FASTKD1: variants seen among roughly 807,000 people sequenced by gnomAD.
FASTKD1 encodes FAST kinase domains 1, also known as FAST kinase domain-containing protein 1, mitochondrial.
A neutral mutation model predicts 90.9 loss-of-function variants in FASTKD1; 94 were observed. The ratio of observed to expected loss-of-function variants is 1.03; its 90% CI spans 0.88 to 1.23. FASTKD1 has a LOEUF of 1.23. Among genes scored for constraint, FASTKD1 ranks in the 50% most tolerant of loss-of-function variants. The pLI, the probability that FASTKD1 is intolerant of heterozygous loss-of-function variation, is 0.00. For missense variants in FASTKD1, 945 were observed against 993.5 expected (o/e 0.95, Z 0.66); for synonymous variants, 319 against 345.8 (o/e 0.92, Z 0.86).
chr2:169,546,795 G>A (rs1685228399), intron 7 of FASTKD1, 91 bp from the exon 8 acceptor site: 1 of 1,252,882 alleles, frequency 8.0e-7, no homozygotes, highest in Non-Finnish European at 1.1e-6. Flanking sequence ...CAATTAATAG[G>A]TAAGATGATG....
At chr2:169,567,446 T>C (rs1684038583) in intron 3 of FASTKD1, among the ~76,000 whole-genome samples, 2 of 152,180 alleles carry the variant, frequency 1.3e-5, no homozygotes, top group African/African-American at 4.8e-5. Flanking sequence ...TTACCCTCAA[T>C]ATACTTATAG....
rs764073378 is a variant in FASTKD1 at position 169,529,819 on chromosome 2, T to A, written c.*6A>T. 2.5e-6 allele frequency: 4 copies of A among 1,589,566 alleles called. No homozygotes were observed. In the East Asian group the frequency reaches 9.0e-5, roughly 36 times the overall value. On this transcript the variant is annotated 3_prime_UTR_variant, in exon 15 of 15. Transcript: ENST00000453153. ...AACACACGATAACATTCATTTTAAA[T>A]AAAAACTACAAACATGACTTGACTT...
chr2:169,561,745 A>T (rs190832459), intron 4 of FASTKD1, among the ~76,000 whole-genome samples: 1 of 144,264 alleles, frequency 6.9e-6, no homozygotes, highest in African/African-American at 2.6e-5. Context: ...TTAATTATTC[A>T]TTATAAATTA....
chr2:169,542,234 T>C (rs1417647511), intron 9 of FASTKD1, among the ~76,000 whole-genome samples: 1 of 152,172 alleles, frequency 6.6e-6, no homozygotes, highest in East Asian at 1.9e-4. Context: ...GTTTTTACTC[T>C]CTCCTGTATC....
rs1683530278 is a variant in FASTKD1 at position 169,560,423 on chromosome 2, GC to G, written c.934del (p.Ala312HisfsTer20). 1 of 1,565,928 alleles carries G rather than the reference GC, an allele frequency of 6.4e-7. No homozygotes were observed. Among genetic ancestry groups the G allele is most frequent in the Admixed American group, 2.1e-5 (1 of 48,032 alleles). The part of the protein sequence containing the change: ...HPASFVKLFV[A>X]LGPIAGPEEK... Reference sequence around the variant, plus strand: ...TTCAGGTCCTGCAATGGGTCCCAATGCTACAAACAATTTTACAAAGCTAGCA... The same window carrying G: ...TTCAGGTCCTGCAATGGGTCCCAATGTACAAACAATTTTACAAAGCTAGCA... On this transcript the variant is annotated frameshift_variant, in exon 5 of 15. Coordinates refer to ENST00000453153, the MANE Select transcript of FASTKD1 (RefSeq NM_024622.6). LOFTEE classifies it high-confidence loss of function.
intron 9 of FASTKD1, among the ~76,000 whole-genome samples, chr2:169,543,099 C>A (rs930190846): frequency 6.6e-6 from 1 of 152,064 alleles, no homozygotes; most frequent in African/African-American, 2.4e-5. Context: ...AATGGCCAAT[C>A]ATTTTATAAA....
At position 169,560,650 on chromosome 2, in the gene FASTKD1, C is replaced by T. The variant is rs1683546564; in HGVS notation, c.708G>A (p.Lys236=). The change falls in exon 5 of 15, where the codon AAG becomes AAA. Residue 236 remains lysine, a synonymous_variant. Transcript: ENST00000453153. ...SEVNVAKSIA[K]FLRNVRYRYQ... ...AACGATATCTAACATTTCGAAGAAA[C>T]TTTGCTATGCTTTTTGCAACGTTGA... 1.9e-6 allele frequency: 3 copies of T among 1,612,970 alleles called. No individual in the cohort carries two copies. Among genetic ancestry groups the T allele is most frequent in the Non-Finnish European group, 2.5e-6 (3 of 1,179,726 alleles).
intron 4 of FASTKD1, among the ~76,000 whole-genome samples, chr2:169,561,978 C>A (rs182582151): frequency 5.5e-5 from 4 of 73,306 alleles, no homozygotes; most frequent in African/African-American, 2.0e-4. Flanking sequence ...ATTAATTATT[C>A]ATTAATTTAT....
At chr2:169,562,132 T>A (rs1035427660) in intron 4 of FASTKD1, among the ~76,000 whole-genome samples, 3 of 131,412 alleles carry the variant, frequency 2.3e-5, no homozygotes, top group Non-Finnish European at 5.0e-5. Flanking sequence ...AAATTAATTA[T>A]TTATTAATTT....
At chr2:169,535,822 CAAGTTA>C (rs1684701345) in intron 12 of FASTKD1, among the ~76,000 whole-genome samples, 1 of 152,214 alleles carries the variant, frequency 6.6e-6, no homozygotes, top group Non-Finnish European at 1.5e-5. Flanking sequence ...CTCATTATAC[CAAGTTA>C]AAGTCTGCTT....
rs943169405 is a variant in FASTKD1 at position 169,544,354 on chromosome 2, G to A, written c.1816+367C>T. On this transcript the variant is annotated intron_variant, in intron 9 of 14. Transcript: ENST00000453153. ...GGAAGCCTTGGCGGGTGGATCACCT[G>A]AGGTCAGGAGTTCCTGACCACCCTG... is the stretch of plus-strand genomic sequence containing the variant. Among the ~76,000 whole-genome samples, 3 of 152,220 alleles carry A rather than the reference G, an allele frequency of 2.0e-5. No homozygotes were observed. In the East Asian group the frequency reaches 5.8e-4, roughly 29 times the overall value.
intron 7 of FASTKD1, among the ~76,000 whole-genome samples, chr2:169,554,861 G>A (rs914448380): frequency 1.3e-5 from 2 of 152,124 alleles, no homozygotes; most frequent in African/African-American, 4.8e-5. Flanking sequence ...TGCAGGAAAG[G>A]AGAATGGCTT....
At chr2:169,540,878 G>T (rs1684930987) in intron 9 of FASTKD1, among the ~76,000 whole-genome samples, 1 of 152,158 alleles carries the variant, frequency 6.6e-6, no homozygotes, top group South Asian at 2.1e-4. Context: ...CCTAGCACCT[G>T]CTCCTTTACT....
At chr2:169,542,604 G>A (rs1221596619) in intron 9 of FASTKD1, among the ~76,000 whole-genome samples, 1 of 152,156 alleles carries the variant, frequency 6.6e-6, no homozygotes, top group Non-Finnish European at 1.5e-5. Context: ...GGTGGCACAC[G>A]CCTGTAATTC....
chr2:169,538,210 A>T (rs983825755), intron 10 of FASTKD1, 69 bp from the exon 11 acceptor site: 12 of 1,342,344 alleles, frequency 8.9e-6, no homozygotes, highest in Admixed American at 2.2e-5. Flanking sequence ...TTTTTTTCAC[A>T]TTCATTTATC....
rs754186455 is a variant in FASTKD1 at position 169,529,929 on chromosome 2, G to A, written c.2443-3C>T. ...GAGTTCCATTCAAACTGGGAAATCT[G>A]AAAATAAGTAATGTTGTTTGAATGA... On this transcript the variant is annotated splice_region_variant and splice_polypyrimidine_tract_variant and intron_variant, in intron 14 of 14. Coordinates refer to ENST00000453153, the MANE Select transcript of FASTKD1 (RefSeq NM_024622.6). 49 of 1,597,980 alleles carry A rather than the reference G, an allele frequency of 3.1e-5. No individual in the cohort carries two copies. The highest frequency in any genetic ancestry group is 4.0e-5 in the Non-Finnish European group (47 of 1,169,006).
At chr2:169,545,826 C>T (rs1290795909) in intron 8 of FASTKD1, among the ~76,000 whole-genome samples, 2 of 152,222 alleles carry the variant, frequency 1.3e-5, no homozygotes, top group African/African-American at 2.4e-5. Flanking sequence ...AATCTTAATA[C>T]TGTAATGAAC....
chr2:169,561,922 C>T (rs1038089199), intron 4 of FASTKD1, among the ~76,000 whole-genome samples: 46 of 133,874 alleles, frequency 3.4e-4, no homozygotes, highest in Non-Finnish European at 6.2e-4. Context: ...TATTGTAAAT[C>T]AATTATTTGT....
chr2:169,564,366 G>C (rs1401360833), intron 3 of FASTKD1, among the ~76,000 whole-genome samples: 2 of 151,770 alleles, frequency 1.3e-5, no homozygotes, highest in East Asian at 3.9e-4. Flanking sequence ...GTGTTGCCCA[G>C]GCTGAACTTG....
Sources: gnomAD v4.1 joint callset for allele counts (sites outside exome capture counted in the v4.1 genomes callset) on GRCh38, gnomAD v4.1.1 for gene constraint, MANE v1.5 for transcripts, NCBI Gene and HGNC (gene_info 2026-07-23, HGNC 2026-07-21) for gene names.